Variants in GNPTAB observed in about 807,000 individuals in gnomAD.
The protein encoded by GNPTAB is N-acetylglucosamine-1-phosphotransferase subunits alpha/beta.
In GNPTAB, 92 loss-of-function variants were observed where a neutral mutation model predicts 136.6. The observed-to-expected ratio is 0.67, with a 90% confidence interval of 0.57 to 0.80. The LOEUF (loss-of-function observed/expected upper bound fraction) is 0.80. Ranked by LOEUF, GNPTAB falls within the 30% of genes least tolerant of loss-of-function variation. The pLI, the probability that GNPTAB is intolerant of heterozygous loss-of-function variation, is 0.00. For missense variants in GNPTAB, 1,343 were observed against 1,501.8 expected (o/e 0.89, Z 1.75); for synonymous variants, 512 against 535.1 (o/e 0.96, Z 0.60).
chr12:101,829,074 A>T lies in GNPTAB; in HGVS notation c.117+1485T>A, dbSNP rs188475561. On this transcript the variant is annotated intron_variant, in intron 1 of 20. Coordinates refer to ENST00000299314, the MANE Select transcript of GNPTAB (RefSeq NM_024312.5). ...CACCTGTTGGCACTGTCTGCCTCTC[A>T]TTTCTCTTGTCTGTTCCAAACCTTA... Among the ~76,000 whole-genome samples, 195 of 152,284 alleles carry T rather than the reference A, an allele frequency of 1.3e-3. 2 individuals are homozygous for T. Among genetic ancestry groups the T allele is most frequent in the Admixed American group, 0.012 (186 of 15,296 alleles).
chr12:101,755,584 C>G (rs771009531), intron 18 of GNPTAB, among the ~76,000 whole-genome samples: 2 of 152,100 alleles, frequency 1.3e-5, no homozygotes. Context: ...GATGATGAAG[C>G]CATCACAAGC....
At position 101,747,082 on chromosome 12, in the gene GNPTAB, A is replaced by G; in HGVS notation, c.*82T>C. ...TCTTCGGGCCAAACTGCTAAGCATC[A>G]CATCACAAAGACATCTCTGTGAAGC... On this transcript the variant is annotated 3_prime_UTR_variant, in exon 21 of 21. Coordinates refer to ENST00000299314, the MANE Select transcript of GNPTAB (RefSeq NM_024312.5). 2.4e-6 allele frequency: 2 copies of G among 842,714 alleles called. No individual in the cohort carries two copies. The highest frequency in any genetic ancestry group is 4.1e-6 in the Non-Finnish European group (2 of 482,550). 52.2% of individuals were successfully genotyped at this position (842,714 alleles called of 1,614,324 possible).
At chr12:101,820,671 A>G (rs1870745156) in intron 1 of GNPTAB, among the ~76,000 whole-genome samples, 1 of 152,182 alleles carries the variant, frequency 6.6e-6, no homozygotes, top group African/African-American at 2.4e-5. Context: ...CACCTAGCTA[A>G]GAACCACTGT....
intron 11 of GNPTAB, among the ~76,000 whole-genome samples, chr12:101,766,807 C>T (rs1953102166): frequency 6.6e-6 from 1 of 152,192 alleles, no homozygotes; most frequent in African/African-American, 2.4e-5. Flanking sequence ...GCGTGATGAA[C>T]AGGCCCTGGC....
At position 101,766,026 on chromosome 12, in the gene GNPTAB, A is replaced by G. The variant is rs943759150; in HGVS notation, c.1612+65T>C. ...TATTTTAAATAACAAAAGCCATTCA[A>G]AACTCTCTCTACCTGTCAAGGATGT... is the stretch of plus-strand genomic sequence containing the variant. On this transcript the variant is annotated intron_variant, in intron 12 of 20. Coordinates refer to ENST00000299314, the MANE Select transcript of GNPTAB (RefSeq NM_024312.5). 4.4e-6 allele frequency: 6 copies of G among 1,374,532 alleles called. No homozygotes were observed. The African/African-American group carries it at 8.6e-5, about 20-fold the overall frequency. 85.1% of individuals were successfully genotyped at this position (1,374,532 alleles called of 1,614,324 possible).
At chr12:101,790,695 G>A (rs527767143) in intron 2 of GNPTAB, among the ~76,000 whole-genome samples, 46 of 149,752 alleles carry the variant, frequency 3.1e-4, no homozygotes, top group Non-Finnish European at 4.1e-4. Context: ...AGCTATGATC[G>A]TACCACTGCA....
chr12:101,766,173 C>T lies in GNPTAB; in HGVS notation c.1530G>A (p.Ala510=), dbSNP rs776105842. ...AGAACTTATCAGCGAGCCAGGAATT[C>T]GCACATCCCTGATTACAGTAAGAGA... ...NSVSYCNQGC[A]NSWLADKFCD... Residue 510 remains alanine, a synonymous_variant, in exon 12 of 21, where the codon GCG becomes GCA. Transcript: ENST00000299314. The T allele has an allele frequency of 2.4e-5, 39 of 1,614,016 alleles. No homozygotes were observed. Among genetic ancestry groups the T allele is most frequent in the South Asian group, 4.4e-5 (4 of 91,080 alleles).
At chr12:101,786,951 C>T (rs989263529) in intron 4 of GNPTAB, among the ~76,000 whole-genome samples, 2 of 152,212 alleles carry the variant, frequency 1.3e-5, no homozygotes, top group Non-Finnish European at 2.9e-5. Context: ...TGCAGTAAAT[C>T]TCCTTCTCTT....
intron 1 of GNPTAB, among the ~76,000 whole-genome samples, chr12:101,797,367 G>A (rs1403136249): frequency 2.6e-5 from 4 of 152,148 alleles, no homozygotes; most frequent in African/African-American, 9.7e-5. Flanking sequence ...GCTCACGCCT[G>A]TAATCCTAGC....
At chr12:101,800,556 C>A (rs1463747432) in intron 1 of GNPTAB, among the ~76,000 whole-genome samples, 17 of 122,316 alleles carry the variant, frequency 1.4e-4, no homozygotes, top group African/African-American at 5.4e-4. Flanking sequence ...GTCAGGAGTT[C>A]AAGATCAGCC....
intron 1 of GNPTAB, among the ~76,000 whole-genome samples, chr12:101,812,166 A>G (rs1049135517): frequency 1.3e-5 from 2 of 151,652 alleles, no homozygotes; most frequent in African/African-American, 4.8e-5. Flanking sequence ...AACTATTTGA[A>G]CCCAGAAGGC....
At chr12:101,761,818 TTTGTTAC>T in intron 13 of GNPTAB, 55 bp from the exon 14 acceptor site, 4 of 1,279,472 alleles carry the variant, frequency 3.1e-6, no homozygotes, top group Non-Finnish European at 3.4e-6. Flanking sequence ...ACAAGTGTAC[TTTGTTAC>T]AAGACATTTT....
At chr12:101,749,046 T>C in intron 20 of GNPTAB, 55 bp downstream of exon 20, 1 of 977,226 alleles carries the variant, frequency 1.0e-6, no homozygotes, top group Admixed American at 1.7e-5. Flanking sequence ...AACATTCAGA[T>C]GCTAGTATAC....
chr12:101,787,257 T>A (rs997932035), intron 4 of GNPTAB, among the ~76,000 whole-genome samples: 1 of 152,148 alleles, frequency 6.6e-6, no homozygotes, highest in Non-Finnish European at 1.5e-5. Context: ...CAACATTTAG[T>A]AAATTACAGT....
intron 19 of GNPTAB, 23 bp from the exon 20 acceptor site, chr12:101,749,214 C>CCA: frequency 1.5e-6 from 2 of 1,343,038 alleles, no homozygotes; most frequent in Non-Finnish European, 2.1e-6. Flanking sequence ...AAGAAAGCAA[C>CCA]TATGTACTTC....
chr12:101,766,391 A>C, intron 11 of GNPTAB, 97 bp from the exon 12 acceptor site: 1 of 1,041,326 alleles, frequency 9.6e-7, no homozygotes. Context: ...TAATCTCAAC[A>C]CTTTGGGAGG....
chr12:101,823,609 CAAAAAA>C (rs5800490), intron 1 of GNPTAB, among the ~76,000 whole-genome samples: 1 of 91,350 alleles, frequency 1.1e-5, no homozygotes, highest in African/African-American at 4.2e-5. Context: ...GACTCCGTCT[CAAAAAA>C]AAAAAAAAAA....
intron 1 of GNPTAB, among the ~76,000 whole-genome samples, chr12:101,810,335 C>A (rs772762467): frequency 5.3e-5 from 8 of 150,088 alleles, no homozygotes; most frequent in Non-Finnish European, 1.2e-4. Context: ...ATTTCCTGTA[C>A]CTTCCATATA....
intron 16 of GNPTAB, among the ~76,000 whole-genome samples, chr12:101,757,872 ACAAAC>A (rs995438103): frequency 8.5e-5 from 13 of 152,182 alleles, no homozygotes; most frequent in African/African-American, 3.1e-4. Flanking sequence ...TGCATTTTTC[ACAAAC>A]CAAACCTGAA....
Sources: allele counts gnomAD v4.1 joint callset (sites outside exome capture counted in the v4.1 genomes callset), GRCh38; gene constraint gnomAD v4.1.1; transcripts MANE v1.5; gene names NCBI Gene and HGNC (gene_info 2026-07-23, HGNC 2026-07-21).